RPS6KA2: variants seen among roughly 807,000 people sequenced by gnomAD.
The protein encoded by RPS6KA2 is ribosomal protein S6 kinase alpha-2.
A neutral mutation model predicts 91.8 loss-of-function variants in RPS6KA2; 42 were observed. The ratio of observed to expected loss-of-function variants is 0.46; its 90% CI spans 0.36 to 0.59. The LOEUF is 0.59. RPS6KA2 is among the 20% of genes least tolerant of loss of function. RPS6KA2 has a pLI of 0.00. For synonymous variants in RPS6KA2, 414 were observed against 393.6 expected (o/e 1.05, Z -0.61); for missense variants, 798 against 978.5 (o/e 0.82, Z 2.46).
intron 10 of RPS6KA2, among the ~76,000 whole-genome samples, chr6:166,476,983 T>C (rs887781463): frequency 6.6e-6 from 1 of 152,056 alleles, no homozygotes; most frequent in African/African-American, 2.4e-5. Flanking sequence ...AATTCCAGGC[T>C]CTTTTGGAGG....
In RPS6KA2 at chr6:166,437,674, G is replaced by A. The variant is rs376546529; in HGVS notation, c.1333-5184C>T. ...TGAGTCTAGGGGTCTGAATATCCAC[G>A]AAGCAATTCTGGGTTCAACATGGAT... On this transcript the variant is annotated intron_variant, in intron 14 of 20. Coordinates refer to ENST00000265678, the MANE Select transcript of RPS6KA2 (RefSeq NM_021135.6). This position sits in a 1 kb window ranked among gnomAD's most constrained non-coding sequence, Gnocchi z 4.3. Among the ~76,000 whole-genome samples the A allele has an allele frequency of 1.2e-4, 19 of 152,304 alleles. No homozygotes were observed. Among genetic ancestry groups the A allele is most frequent in the African/African-American group, 2.2e-4 (9 of 41,576 alleles).
intron 14 of RPS6KA2, among the ~76,000 whole-genome samples, chr6:166,436,291 G>C (rs985405201): frequency 3.4e-5 from 5 of 147,302 alleles, no homozygotes; most frequent in East Asian, 2.0e-4. Context: ...GTCAGCAGTA[G>C]AGCGTGTTTC....
intron 2 of RPS6KA2, among the ~76,000 whole-genome samples, chr6:166,745,139 C>G (rs925447179): frequency 1.3e-4 from 19 of 147,910 alleles, no homozygotes; most frequent in Non-Finnish European, 2.7e-4. Flanking sequence ...TGTCTGTGTC[C>G]TAATCGGCCT....
rs187928503 is a variant in RPS6KA2, at chr6:166,432,955, A to G, written c.1333-465T>C. 5.2e-3 allele frequency among the ~76,000 whole-genome samples: 777 copies of G among 148,410 alleles called. 23 individuals carry two copies. Among genetic ancestry groups the G allele is most frequent in the Admixed American group, 0.044 (640 of 14,652 alleles). On this transcript the variant is annotated intron_variant, in intron 14 of 20. Coordinates refer to ENST00000265678, the MANE Select transcript of RPS6KA2 (RefSeq NM_021135.6). ...GGTTGCAGGGAGCTGAGATAATGCC[A>G]CTGCACTCCAGCCTGGGTGACAGAG... is the stretch of plus-strand genomic sequence containing the variant.
intron 2 of RPS6KA2, among the ~76,000 whole-genome samples, chr6:166,715,679 C>T (rs1055163845): frequency 6.6e-6 from 1 of 152,158 alleles, no homozygotes; most frequent in East Asian, 1.9e-4. Flanking sequence ...TAGGCCGGAG[C>T]CTGCACACAC....
intron 1 of RPS6KA2, among the ~76,000 whole-genome samples, chr6:166,561,446 T>C (rs1446135473): frequency 6.6e-6 from 1 of 151,592 alleles, no homozygotes; most frequent in Non-Finnish European, 1.5e-5. Context: ...AAGAAGAAAA[T>C]CTGTTGAGCA....
rs1779355350 is a variant in RPS6KA2 at position 166,437,282 on chromosome 6, T to TA, written c.1333-4793dup. Among the ~76,000 whole-genome samples, 1 of 152,188 alleles carries TA rather than the reference T, an allele frequency of 6.6e-6. No homozygotes were observed. Among genetic ancestry groups the TA allele is most frequent in the African/African-American group, 2.4e-5 (1 of 41,432 alleles). On this transcript the variant is annotated intron_variant, in intron 14 of 20. Coordinates refer to ENST00000265678, the MANE Select transcript of RPS6KA2 (RefSeq NM_021135.6). The surrounding 1 kb of genome is among the most constrained non-coding windows in gnomAD (Gnocchi z 4.3). ...TTCTTGGGGTTGACCGTGTTGGTCT[T>TA]ACTCTTATTAGAGCAAGCTCTGGTG...
intron 2 of RPS6KA2, among the ~76,000 whole-genome samples, chr6:166,826,048 C>T (rs1290609125): frequency 6.6e-6 from 1 of 152,138 alleles, no homozygotes; most frequent in East Asian, 1.9e-4. Context: ...ACACTTCGGG[C>T]ATAAATAGAT....
chr6:166,823,840 A>C (rs953121248), intron 2 of RPS6KA2, among the ~76,000 whole-genome samples: 4 of 152,206 alleles, frequency 2.6e-5, no homozygotes, highest in Non-Finnish European at 5.9e-5. Flanking sequence ...ACTGGCAAAA[A>C]GTTAAAAGGT....
chr6:166,536,843 T>C (rs956420472), intron 2 of RPS6KA2, among the ~76,000 whole-genome samples: 3 of 152,206 alleles, frequency 2.0e-5, no homozygotes, highest in African/African-American at 7.2e-5. Flanking sequence ...CAAGTAAAGA[T>C]AAAATTAGAA....
At chr6:166,695,946 T>C (rs1030682777) in intron 2 of RPS6KA2, among the ~76,000 whole-genome samples, 2 of 152,186 alleles carry the variant, frequency 1.3e-5, no homozygotes, top group African/African-American at 2.4e-5. Context: ...TACTGTGAAC[T>C]GCGCATGCGG....
intron 2 of RPS6KA2, among the ~76,000 whole-genome samples, chr6:166,633,862 A>T (rs1481941300): frequency 6.6e-6 from 1 of 152,202 alleles, no homozygotes; most frequent in Non-Finnish European, 1.5e-5. Flanking sequence ...ATATACTATG[A>T]GTCAGCGGAA....
At chr6:166,658,955 T>G (rs1788079358) in intron 2 of RPS6KA2, among the ~76,000 whole-genome samples, 1 of 152,154 alleles carries the variant, frequency 6.6e-6, no homozygotes, top group Admixed American at 6.5e-5. Flanking sequence ...CGTGACTGAG[T>G]AATTAGATAC....
intron 2 of RPS6KA2, among the ~76,000 whole-genome samples, chr6:166,851,665 G>C (rs1398983290): frequency 6.6e-6 from 1 of 152,190 alleles, no homozygotes; most frequent in Non-Finnish European, 1.5e-5. Flanking sequence ...CGATTTTAGA[G>C]ACTGTTCCCA....
chr6:166,628,662 A>C (rs1037038212), upstream of RPS6KA2, among the ~76,000 whole-genome samples: 1 of 152,236 alleles, frequency 6.6e-6, no homozygotes, highest in Non-Finnish European at 1.5e-5. Context: ...GGAGTTTAGC[A>C]CCACGACTCT....
At chr6:166,781,145 A>G (rs1016655555) in intron 2 of RPS6KA2, among the ~76,000 whole-genome samples, 1 of 152,238 alleles carries the variant, frequency 6.6e-6, no homozygotes, top group East Asian at 1.9e-4. Context: ...CTCTGCTTAA[A>G]TTTATGAAGG....
At chr6:166,505,769 T>C (rs574261407) in intron 5 of RPS6KA2, among the ~76,000 whole-genome samples, 1 of 152,336 alleles carries the variant, frequency 6.6e-6, no homozygotes, top group South Asian at 2.1e-4. Context: ...GTCCCCGTCC[T>C]CCATTCCACG....
intron 1 of RPS6KA2, among the ~76,000 whole-genome samples, chr6:166,574,599 G>A (rs1032740850): frequency 6.6e-6 from 1 of 152,164 alleles, no homozygotes; most frequent in African/African-American, 2.4e-5. Flanking sequence ...GTGCTATTGT[G>A]AACGTTGTTG....
intron 2 of RPS6KA2, among the ~76,000 whole-genome samples, chr6:166,856,600 C>G (rs578028832): frequency 6.6e-6 from 1 of 152,304 alleles, no homozygotes; most frequent in East Asian, 1.9e-4. Flanking sequence ...TGTCGTCAGC[C>G]TCCTGAAGCC....
Sources: allele counts gnomAD v4.1 joint callset (sites outside exome capture counted in the v4.1 genomes callset), GRCh38; gene constraint gnomAD v4.1.1; non-coding constraint Gnocchi (gnomAD v3.1); transcripts MANE v1.5; gene names NCBI Gene and HGNC (gene_info 2026-07-23, HGNC 2026-07-21).